The following SLC5A1 variants were observed in gnomAD, a reference collection of about 807,000 sequenced individuals.
SLC5A1 encodes the protein sodium/glucose cotransporter 1.
Under a neutral mutation model 73.5 loss-of-function variants are expected in SLC5A1, and 42 were observed. The ratio of observed to expected loss-of-function variants is 0.57; its 90% CI spans 0.45 to 0.74. SLC5A1 has a LOEUF of 0.74. Among genes scored for constraint, SLC5A1 ranks in the 30% least tolerant of loss-of-function variants. The pLI is 0.00. For synonymous variants in SLC5A1, 300 were observed against 317.4 expected (o/e 0.95, Z 0.58); for missense variants, 634 against 855.4 (o/e 0.74, Z 3.23).
At chr22:32,044,652 G>A (rs567584547) in intron 1 of SLC5A1, among the ~76,000 whole-genome samples, 12 of 152,046 alleles carry the variant, frequency 7.9e-5, no homozygotes, top group Non-Finnish European at 1.6e-4. Flanking sequence ...GACCAACTAG[G>A]AGCCAGGATA....
chr22:32,047,336 T>C (rs2093938501), intron 1 of SLC5A1, among the ~76,000 whole-genome samples: 1 of 152,020 alleles, frequency 6.6e-6, no homozygotes, highest in South Asian at 2.1e-4. Flanking sequence ...CTCTAGTCTC[T>C]GCCCTCACAT....
At chr22:32,051,517 G>T (rs140565108) in intron 2 of SLC5A1, among the ~76,000 whole-genome samples, 1 of 152,234 alleles carries the variant, frequency 6.6e-6, no homozygotes, top group African/African-American at 2.4e-5. Flanking sequence ...CTAGCTGGGC[G>T]TGGTGGTGTG....
chr22:32,065,978 T>C (rs2093972338), intron 2 of SLC5A1, among the ~76,000 whole-genome samples: 1 of 152,270 alleles, frequency 6.6e-6, no homozygotes, highest in African/African-American at 2.4e-5. Context: ...GTTTGGTTCT[T>C]ATCAAATGCT....
rs1259178954 is a variant in SLC5A1 at position 32,112,983 on chromosome 22, T to C, written c.*2770T>C. ...ATATGTTGTATGCCATGAGTATATA[T>C]AATTATTATTTGTGAATTTAAAAAA... On this transcript the variant is annotated 3_prime_UTR_variant, in exon 15 of 15. Coordinates refer to ENST00000266088, the MANE Select transcript of SLC5A1 (RefSeq NM_000343.4). The C allele has an allele frequency of 3.3e-5, 5 of 152,212 alleles. No homozygotes were observed. The highest frequency in any genetic ancestry group is 1.3e-4 in the Admixed American group (2 of 15,284). 9.4% of individuals were successfully genotyped at this position (152,212 alleles called of 1,614,324 possible).
intron 5 of SLC5A1, among the ~76,000 whole-genome samples, chr22:32,077,430 C>T (rs2093992886): frequency 6.6e-6 from 1 of 151,810 alleles, no homozygotes; most frequent in Admixed American, 6.6e-5. Context: ...CATCCTTCCC[C>T]CTACTCTCTT....
intron 4 of SLC5A1, 24 bp downstream of exon 4, chr22:32,068,050 A>C: frequency 6.2e-7 from 1 of 1,609,288 alleles, no homozygotes; most frequent in Non-Finnish European, 8.5e-7. Context: ...CTGTTATTTC[A>C]TTTCCTGCTG....
chr22:32,081,928 C>T lies in SLC5A1; in HGVS notation c.540C>T (p.Ala180=). The stretch of plus-strand genomic sequence containing the variant: ...CCTTAGGCCTGAATCTGTATTTAGC[C>T]ATCTTTCTCTTATTGGCAATCACTG... ...NLALGLNLYL[A]IFLLLAITAL... is the part of the protein sequence containing the mutation. The change falls in exon 6 of 15, where the codon GCC becomes GCT. Residue 180 remains alanine (A), a synonymous_variant. Transcript: ENST00000266088. The T allele has an allele frequency of 1.2e-6, 2 of 1,613,768 alleles. No homozygotes were observed. The highest frequency in any genetic ancestry group is 1.7e-6 in the Non-Finnish European group (2 of 1,179,730).
chr22:32,065,366 C>T (rs1350890578), intron 2 of SLC5A1, among the ~76,000 whole-genome samples: 6 of 152,098 alleles, frequency 3.9e-5, no homozygotes, highest in Admixed American at 3.9e-4. Context: ...AATGCTATTC[C>T]TGTGGTCTCT....
chr22:32,078,925 A>G (rs919985624), intron 5 of SLC5A1, among the ~76,000 whole-genome samples: 2 of 140,030 alleles, frequency 1.4e-5, no homozygotes, highest in African/African-American at 2.8e-5. Flanking sequence ...ACTGCACTCC[A>G]GCCTGGCGAA....
intron 14 of SLC5A1, among the ~76,000 whole-genome samples, chr22:32,108,139 C>G (rs1418896057): frequency 1.3e-5 from 2 of 149,848 alleles, no homozygotes; most frequent in African/African-American, 4.9e-5. Context: ...CAGAGTCTCA[C>G]TCTGTCACCC....
At position 32,111,239 on chromosome 22, in the gene SLC5A1, G is replaced by T. The variant is rs180969643; in HGVS notation, c.*1026G>T. On this transcript the variant is annotated 3_prime_UTR_variant, in exon 15 of 15. Coordinates refer to ENST00000266088, the MANE Select transcript of SLC5A1 (RefSeq NM_000343.4). ...CTAGAGGCTAGAAGTTGGAGGCCAA[G>T]ATGTCAGCAGGGTTGGTTTCTTCTG... 6.6e-6 allele frequency: 1 copy of T among 152,326 alleles called. No homozygotes were observed. Among genetic ancestry groups the T allele is most frequent in the African/African-American group, 2.4e-5 (1 of 41,572 alleles). 9.4% of individuals were successfully genotyped at this position (152,326 alleles called of 1,614,324 possible).
chr22:32,084,940 A>C lies in SLC5A1; in HGVS notation c.926A>C (p.His309Pro). 1.2e-6 allele frequency: 2 copies of C among 1,614,174 alleles called. No homozygotes were observed. The highest frequency in any genetic ancestry group is 1.7e-6 in the Non-Finnish European group (2 of 1,180,022). The part of the protein sequence containing the change: ...QRCLSAKNMS[H>P]VKGGCILCGY... ...TGCCTCTCAGCCAAGAATATGTCTC[A>C]CGTGAAGGGTGGCTGCATCCTGTGT... is the stretch of plus-strand genomic sequence containing the variant. Residue 309 changes from histidine to proline, a missense_variant, in exon 9 of 15, where the codon CAC (histidine) becomes CCC (proline). His to Pro is a moderately conservative substitution (Grantham distance 77). Transcript: ENST00000266088.
At chr22:32,098,353 T>C (rs912393420) in intron 11 of SLC5A1, among the ~76,000 whole-genome samples, 2 of 152,260 alleles carry the variant, frequency 1.3e-5, no homozygotes, top group Admixed American at 1.3e-4. Context: ...CCACAGAATA[T>C]TCTCTCAGTG....
At chr22:32,072,509 G>A (rs1235960072) in intron 5 of SLC5A1, among the ~76,000 whole-genome samples, 1 of 152,044 alleles carries the variant, frequency 6.6e-6, no homozygotes, top group Non-Finnish European at 1.5e-5. Flanking sequence ...TGTGAATAAC[G>A]CTCAGCAGTA....
chr22:32,068,513 G>A lies in SLC5A1; in HGVS notation c.390G>A (p.Glu130=). Residue 130 remains glutamate (E), a synonymous_variant, in exon 5 of 15, where the codon GAG becomes GAA. Coordinates refer to ENST00000266088, the MANE Select transcript of SLC5A1 (RefSeq NM_000343.4). ...YIKAGVVTMP[E]YLRKRFGGQR... ...CCATGCAGGTGGTGACAATGCCAGA[G>A]TACCTGAGGAAGCGGTTTGGAGGCC... 6.2e-7 allele frequency: 1 copy of A among 1,613,796 alleles called. No homozygotes were observed. Among genetic ancestry groups the A allele is most frequent in the Non-Finnish European group, 8.5e-7 (1 of 1,179,730 alleles).
At chr22:32,054,801 T>C (rs2093949420) in intron 2 of SLC5A1, among the ~76,000 whole-genome samples, 1 of 152,156 alleles carries the variant, frequency 6.6e-6, no homozygotes, top group Non-Finnish European at 1.5e-5. Flanking sequence ...GCCTCCCTAG[T>C]AGCTAGGATT....
In SLC5A1 at chr22:32,112,974, G is replaced by A. The variant is rs1454180960; in HGVS notation, c.*2761G>A. The A allele has an allele frequency of 1.3e-5, 2 of 152,082 alleles. No individual in the cohort carries two copies. Among genetic ancestry groups the A allele is most frequent in the Non-Finnish European group, 2.9e-5 (2 of 68,024 alleles). The allele number at this position is 152,082 out of a possible 1,614,324, so 9.4% of individuals were successfully genotyped here. ...TATATAAAAATATGTTGTATGCCAT[G>A]AGTATATATAATTATTATTTGTGAA... On this transcript the variant is annotated 3_prime_UTR_variant, in exon 15 of 15. Transcript: ENST00000266088.
At chr22:32,044,373 T>C (rs1272181114) in intron 1 of SLC5A1, among the ~76,000 whole-genome samples, 2 of 152,154 alleles carry the variant, frequency 1.3e-5, no homozygotes, top group South Asian at 2.1e-4. Context: ...ATTCTCGTGA[T>C]TGTTATGGAG....
At chr22:32,071,713 C>T (rs946440583) in intron 5 of SLC5A1, among the ~76,000 whole-genome samples, 1 of 151,910 alleles carries the variant, frequency 6.6e-6, no homozygotes, top group Non-Finnish European at 1.5e-5. Flanking sequence ...GCACCAAAGG[C>T]GAGATTGGTC....
Sources: gnomAD v4.1 joint callset for allele counts (sites outside exome capture counted in the v4.1 genomes callset) on GRCh38, gnomAD v4.1.1 for gene constraint, MANE v1.5 for transcripts, NCBI Gene and HGNC (gene_info 2026-07-23, HGNC 2026-07-21) for gene names.